TATDN1: variants seen among roughly 807,000 people sequenced by gnomAD.
TATDN1 encodes the protein deoxyribonuclease TATDN1.
In TATDN1, 40 loss-of-function variants were observed where a neutral mutation model predicts 46.4. The ratio of observed to expected loss-of-function variants is 0.86; its 90% confidence interval spans 0.67 to 1.12. The LOEUF (loss-of-function observed/expected upper bound fraction) is 1.12, where lower values mean the gene tolerates loss of function less well. TATDN1 is among the 50% of genes most tolerant of loss of function. The pLI is 0.00. For missense variants in TATDN1, 326 were observed against 348.4 expected, an observed-to-expected ratio of 0.94 and a Z score of 0.51; for synonymous variants, 95 against 105.6, an observed-to-expected ratio of 0.90 and a Z score of 0.62.
At chr8:124,518,454 G>A (rs1297091628) in intron 4 of TATDN1, among the ~76,000 whole-genome samples, 3 of 151,050 alleles carry the variant, frequency 2.0e-5, no homozygotes, top group Non-Finnish European at 4.4e-5. Flanking sequence ...AACCTGGGAG[G>A]TGGAGTTTGC....
chr8:124,505,845 C>A (rs1586596334), intron 8 of TATDN1, among the ~76,000 whole-genome samples: 1 of 145,542 alleles, frequency 6.9e-6, no homozygotes, highest in East Asian at 2.2e-4. Flanking sequence ...TTTCCTTCAC[C>A]ATTTCCAGCT....
In TATDN1 at chr8:124,508,491, G is replaced by A. The variant is rs148032742; in HGVS notation, c.499C>T (p.Arg167Trp). 1.9e-5 allele frequency: 30 copies of A among 1,612,794 alleles called. No homozygotes were observed. The highest frequency in any genetic ancestry group is 3.3e-5 in the Admixed American group (2 of 59,918). ...ATACTTACCACTCCCCCTACACACC[G>A]ATCTCTATTTCTTTTCATTATGTCT... is the stretch of plus-strand genomic sequence containing the variant. The part of the protein sequence containing the change: ...FLDIMKRNRD[R>W]CVGGVVHSFD... The change falls in exon 8 of 12, where the codon CGG becomes TGG. Residue 167 changes from arginine (R) to tryptophan (W), a missense_variant. Coordinates refer to ENST00000276692, the MANE Select transcript of TATDN1 (RefSeq NM_032026.4).
Position 124,532,027 on chromosome 8 carries a change from T to G in TATDN1, c.22+6998A>C, listed in dbSNP as rs1318337970. Among the ~76,000 whole-genome samples, 15 of 151,370 alleles carry G rather than the reference T, an allele frequency of 9.9e-5. No homozygotes were observed. In the East Asian group the frequency reaches 2.9e-3, roughly 29 times the overall value. On this transcript the variant is annotated intron_variant, in intron 1 of 11. Transcript: ENST00000276692. The stretch of plus-strand genomic sequence containing the variant: ...ACTCCAAGACTGTCTTTTGTGAAAA[T>G]AAGTCTGGAAAGGTCTTCAGATGGG...
At chr8:124,494,706 C>T (rs1247594076) in intron 10 of TATDN1, 1 of 147,728 alleles carries the variant, frequency 6.8e-6, no homozygotes, top group African/African-American at 2.5e-5. Flanking sequence ...CACCACCACA[C>T]CCAGCTAATT....
At chr8:124,492,459 C>T (rs958351641) in intron 11 of TATDN1, among the ~76,000 whole-genome samples, 4 of 152,228 alleles carry the variant, frequency 2.6e-5, no homozygotes, top group South Asian at 2.1e-4. Flanking sequence ...AGTTTCTTTT[C>T]TCTAGTGTCC....
intron 11 of TATDN1, among the ~76,000 whole-genome samples, chr8:124,492,816 ATTTC>A (rs570729046): frequency 1.0e-3 from 157 of 151,538 alleles, no homozygotes; most frequent in African/African-American, 3.6e-3. Flanking sequence ...AAGTACTTAC[ATTTC>A]TTTATTTTTT....
chr8:124,504,366 A>C lies in TATDN1; in HGVS notation c.517-19T>G, dbSNP rs1381415184. The stretch of plus-strand genomic sequence containing the variant: ...AATGCACCTGGGGACATACAGGTAT[A>C]AGTTTATTATTATAATAATTACTCT... On this transcript the variant is annotated intron_variant, in intron 8 of 11. Coordinates refer to ENST00000276692, the MANE Select transcript of TATDN1 (RefSeq NM_032026.4). 5 of 1,506,492 alleles carry C rather than the reference A, an allele frequency of 3.3e-6. No homozygotes were observed. In the South Asian group the frequency reaches 6.7e-5, roughly 20 times the overall value. The allele number at this position is 1,506,492 out of a possible 1,614,324, so 93.3% of individuals were successfully genotyped here. A position where few individuals can be genotyped will look rare whatever the true frequency, so the allele number is the denominator to read the frequency against.
chr8:124,489,060 G>C, intron 11 of TATDN1: 1 of 255,288 alleles, frequency 3.9e-6, no homozygotes, highest in South Asian at 4.4e-5. Flanking sequence ...ACATTGACAA[G>C]TACATTGTAC....
chr8:124,529,621 T>C (rs763585873), intron 1 of TATDN1, among the ~76,000 whole-genome samples: 2 of 152,252 alleles, frequency 1.3e-5, no homozygotes, highest in Non-Finnish European at 2.9e-5. Context: ...AGCAGATGTA[T>C]TCATGCGGAG....
At chr8:124,517,264 C>T (rs745867941) in intron 4 of TATDN1, among the ~76,000 whole-genome samples, 5 of 151,962 alleles carry the variant, frequency 3.3e-5, no homozygotes, top group Admixed American at 2.0e-4. Flanking sequence ...CCCGTCTCTA[C>T]TAAAGATACA....
intron 2 of TATDN1, among the ~76,000 whole-genome samples, chr8:124,522,502 C>G (rs1820137334): frequency 6.6e-6 from 1 of 151,952 alleles, no homozygotes; most frequent in Non-Finnish European, 1.5e-5. Flanking sequence ...CTGCAACTTC[C>G]ACCTCCTGGG....
At chr8:124,495,662 G>T in intron 9 of TATDN1, 120 bp from the exon 10 acceptor site, 1 of 703,744 alleles carries the variant, frequency 1.4e-6, no homozygotes, top group Non-Finnish European at 2.3e-6. Flanking sequence ...TTTGTTTTCA[G>T]TATACTTTGG....
In TATDN1 at chr8:124,517,200, C is replaced by T. The variant is rs564121345; in HGVS notation, c.203-1170G>A. On this transcript the variant is annotated intron_variant, in intron 4 of 11. Transcript: ENST00000276692. ...ATCCCAGCACTTTGGGAGGGCAAGC[C>T]GGGCAGATCACGAGGTCAGGAGTTC... Among the ~76,000 whole-genome samples the T allele has an allele frequency of 7.9e-5, 12 of 152,210 alleles. No individual in the cohort carries two copies. The East Asian group carries it at 2.1e-3, about 27-fold the overall frequency.
intron 1 of TATDN1, among the ~76,000 whole-genome samples, chr8:124,528,511 A>C (rs936980444): frequency 1.3e-5 from 2 of 152,122 alleles, no homozygotes; most frequent in Admixed American, 1.3e-4. Flanking sequence ...CTTATGTAAC[A>C]GGAGGTATGG....
chr8:124,493,050 T>C (rs761922876), intron 11 of TATDN1, among the ~76,000 whole-genome samples: 1 of 152,192 alleles, frequency 6.6e-6, no homozygotes, highest in Non-Finnish European at 1.5e-5. Context: ...ACTGTTCTTA[T>C]CTGGCTTATC....
chr8:124,500,978 G>C (rs16899643), intron 9 of TATDN1, among the ~76,000 whole-genome samples: 13,268 of 152,178 alleles, frequency 0.087, 644 homozygotes, highest in East Asian at 0.16. Flanking sequence ...GAGTAAGGCA[G>C]GGACTGAAAT....
In TATDN1 at chr8:124,493,882, ACTT is replaced by A. The variant is rs762292336; in HGVS notation, c.739_741del (p.Lys247del). On this transcript the variant is annotated inframe_deletion, in exon 11 of 12. Coordinates refer to ENST00000276692, the MANE Select transcript of TATDN1 (RefSeq NM_032026.4). The stretch of plus-strand genomic sequence containing the variant: ...TCTTTTAAGCAGTGCCCACTTTCCC[ACTT>A]CTTTTTGGTAGGAAATGCAGTTCTT... 118 of 1,611,712 alleles carry A rather than the reference ACTT, an allele frequency of 7.3e-5. No homozygotes were observed. In the African/African-American group the frequency reaches 1.4e-3, roughly 19 times the overall value.
rs115521486 is a variant in TATDN1 at position 124,499,858 on chromosome 8, T to C, written c.594-4316A>G. ...TGCGCCCGGCCCCCATGTTCTTTTTTTTTTTGAGACACAGTCTGGTCTGTT... is the reference window on the plus strand; with the variant it reads ...TGCGCCCGGCCCCCATGTTCTTTTTCTTTTTGAGACACAGTCTGGTCTGTT... On this transcript the variant is annotated intron_variant, in intron 9 of 11. Transcript: ENST00000276692. Among the ~76,000 whole-genome samples, 744 of 151,174 alleles carry C rather than the reference T, an allele frequency of 4.9e-3. 4 individuals carry two copies. Among genetic ancestry groups the C allele is most frequent in the African/African-American group, 0.015 (632 of 41,134 alleles).
At chr8:124,520,978 A>G (rs1451957985) in intron 3 of TATDN1, among the ~76,000 whole-genome samples, 2 of 150,382 alleles carry the variant, frequency 1.3e-5, no homozygotes, top group Non-Finnish European at 3.0e-5. Context: ...AACGATGATG[A>G]TGATCTCATG....
Sources: allele counts gnomAD v4.1 joint callset (sites outside exome capture counted in the v4.1 genomes callset), GRCh38; gene constraint gnomAD v4.1.1; transcripts MANE v1.5; gene names NCBI Gene and HGNC (gene_info 2026-07-23, HGNC 2026-07-21).